BLTP1: variants seen among roughly 807,000 people sequenced by gnomAD.
BLTP1 encodes the protein bridge-like lipid transfer protein family member 1.
At chr4:122,193,577 C>A in the BLTP1 span, 1 of 566,612 alleles carries the variant, frequency 1.8e-6, no homozygotes, top group Non-Finnish European at 2.2e-6. Flanking sequence ...GAATTTTAAA[C>A]AAAGAAGGGG....
At chr4:122,340,388 T>G in the BLTP1 span, among the ~76,000 whole-genome samples, 1 of 152,108 alleles carries the variant, frequency 6.6e-6, no homozygotes, top group Non-Finnish European at 1.5e-5. Flanking sequence ...ACCTTTCTGA[T>G]TTGTAAGGAA....
the BLTP1 span, chr4:122,349,854 T>C: frequency 6.2e-7 from 1 of 1,613,496 alleles, no homozygotes; most frequent in South Asian, 1.1e-5. This position sits in a 1 kb window ranked among gnomAD's most constrained non-coding sequence, Gnocchi z 4.5. Flanking sequence ...TTTTATGCTC[T>C]AGTGAGATTT....
chr4:122,231,640 A>T, the BLTP1 span: 1 of 959,064 alleles, frequency 1.0e-6, no homozygotes, highest in East Asian at 1.1e-4. Context: ...TTCTTTTGCT[A>T]GTAATCAAAT....
At chr4:122,274,741 C>A in the BLTP1 span, 1 of 428,122 alleles carries the variant, frequency 2.3e-6, no homozygotes, top group Non-Finnish European at 3.1e-6. Context: ...AATATTATGA[C>A]TAGTTAATGT....
the BLTP1 span, chr4:122,172,071 A>ATT: frequency 3.6e-6 from 2 of 560,860 alleles, no homozygotes; most frequent in Non-Finnish European, 4.5e-6. Context: ...TTTACAAAAT[A>ATT]TTTTTTCTAG....
At chr4:122,266,955 GA>G in the BLTP1 span, 2 of 1,541,524 alleles carry the variant, frequency 1.3e-6, no homozygotes, top group South Asian at 2.4e-5. Context: ...AAAAGAGCAA[GA>G]AGGTGTCTTT....
the BLTP1 span, among the ~76,000 whole-genome samples, chr4:122,295,444 T>C: frequency 3.2e-3 from 488 of 152,004 alleles, 1 homozygote; most frequent in Non-Finnish European, 5.2e-3. Context: ...CCAGAAAACA[T>C]TGGGGGCCAA....
chr4:122,327,162 G>A, the BLTP1 span, among the ~76,000 whole-genome samples: 1 of 150,512 alleles, frequency 6.6e-6, no homozygotes, highest in African/African-American at 2.4e-5. Flanking sequence ...TGGCCTCCTG[G>A]TGAAATCCTG....
chr4:122,183,310 T>C, the BLTP1 span: 2 of 801,428 alleles, frequency 2.5e-6, no homozygotes, highest in African/African-American at 2.2e-5. Flanking sequence ...CATGCCACAC[T>C]GGGGGACAGA....
At chr4:122,354,095 AT>A in the BLTP1 span, 1 of 1,257,652 alleles carries the variant, frequency 8.0e-7, no homozygotes, top group Admixed American at 2.1e-5. Flanking sequence ...TAGAATTTAA[AT>A]GGAGATGGTG....
chr4:122,349,425 AAATT>A, the BLTP1 span: 56 of 1,564,392 alleles, frequency 3.6e-5, no homozygotes, highest in African/African-American at 7.1e-4. This position sits in a 1 kb window ranked among gnomAD's most constrained non-coding sequence, Gnocchi z 4.5. Flanking sequence ...ATGTCTGTCA[AAATT>A]AATTATTGTT....
chr4:122,263,120 G>A, the BLTP1 span: 1 of 1,388,742 alleles, frequency 7.2e-7, no homozygotes, highest in East Asian at 2.5e-5. Flanking sequence ...AAAAATTTTA[G>A]GAATCCATTG....
At chr4:122,344,812 T>C in the BLTP1 span, 1 of 985,206 alleles carries the variant, frequency 1.0e-6, no homozygotes, top group South Asian at 4.7e-5. Context: ...TAAAAGTTGC[T>C]TCTTTTCTTC....
the BLTP1 span, chr4:122,248,018 A>C: frequency 1.0e-6 from 1 of 985,080 alleles, no homozygotes; most frequent in East Asian, 1.1e-4. Flanking sequence ...CTGAGTAAAC[A>C]AATGAATTCC....
the BLTP1 span, chr4:122,152,389 C>G: frequency 8.7e-5 from 86 of 985,022 alleles, no homozygotes; most frequent in Non-Finnish European, 1.0e-4. Context: ...CCTTGGGTGT[C>G]GGTGGCTGCG....
At chr4:122,265,330 A>G in the BLTP1 span, among the ~76,000 whole-genome samples, 1 of 152,230 alleles carries the variant, frequency 6.6e-6, no homozygotes, top group African/African-American at 2.4e-5. Context: ...TGCTACGTCA[A>G]TAATTGTTAC....
the BLTP1 span, chr4:122,340,652 A>G: frequency 1.1e-6 from 1 of 902,162 alleles, no homozygotes; most frequent in Non-Finnish European, 1.3e-6. Flanking sequence ...CAAAATTGGA[A>G]AACAAAAAGG....
chr4:122,230,253 ATG>A, the BLTP1 span: 2 of 1,546,908 alleles, frequency 1.3e-6, no homozygotes, highest in Admixed American at 1.8e-5. Context: ...TCCTGTTCAG[ATG>A]AAAAAAACTA....
chr4:122,176,950 A>G, the BLTP1 span, among the ~76,000 whole-genome samples: 1 of 152,200 alleles, frequency 6.6e-6, no homozygotes, highest in Non-Finnish European at 1.5e-5. Context: ...TGTATGAAGT[A>G]TTCTGAGATT....
Sources: gnomAD v4.1 joint callset for allele counts (sites outside exome capture counted in the v4.1 genomes callset) on GRCh38, gnomAD v4.1.1 for gene constraint, Gnocchi (gnomAD v3.1) non-coding constraint, MANE v1.5 for transcripts, NCBI Gene and HGNC (gene_info 2026-07-23, HGNC 2026-07-21) for gene names.